Variants in GLS observed in about 807,000 individuals in gnomAD.
The protein encoded by GLS is glutaminase kidney isoform, mitochondrial.
A neutral mutation model predicts 86.7 loss-of-function variants in GLS; 36 were observed. The observed-to-expected ratio is 0.42, with a 90% CI of 0.32 to 0.55. The LOEUF (loss-of-function observed/expected upper bound fraction) is 0.55. Ranked by LOEUF, GLS falls within the 20% of genes least tolerant of loss-of-function variation. GLS has a pLI of 0.17. For missense variants in GLS, 528 were observed against 833.4 expected (o/e 0.63, Z 4.51); for synonymous variants, 317 against 305.9 (o/e 1.04, Z -0.38).
chr2:190,907,874 T>C (rs1689214981), intron 6 of GLS, among the ~76,000 whole-genome samples: 1 of 152,210 alleles, frequency 6.6e-6, no homozygotes, highest in African/African-American at 2.4e-5. Flanking sequence ...TACTTAAGCA[T>C]TGAATACTGT....
chr2:190,895,355 A>T lies in GLS; in HGVS notation c.483+107A>T. On this transcript the variant is annotated intron_variant, in intron 2 of 17. Transcript: ENST00000320717. The surrounding 1 kb of genome is among the most constrained non-coding windows in gnomAD (Gnocchi z 4.2). ...AAGGTCGTCTGACATGTAGATTCTG[A>T]CTGACAATATTTCTCTTATTATGTT... is the stretch of plus-strand genomic sequence containing the variant. 1.8e-6 allele frequency: 1 copy of T among 554,562 alleles called. No individual in the cohort carries two copies. The highest frequency in any genetic ancestry group is 3.2e-6 in the Non-Finnish European group (1 of 312,160). The allele number at this position is 554,562 out of a possible 1,614,324, so 34.4% of individuals were successfully genotyped here.
chr2:190,893,678 C>T (rs1451632200), intron 1 of GLS, among the ~76,000 whole-genome samples: 1 of 152,104 alleles, frequency 6.6e-6, no homozygotes, highest in African/African-American at 2.4e-5. Context: ...CTCCACCTCC[C>T]GGGTTCAAGC....
chr2:190,953,445 CT>C lies in GLS; in HGVS notation c.1651-115del. 1.4e-6 allele frequency: 1 copy of C among 703,382 alleles called. No individual in the cohort carries two copies. 43.6% of individuals were successfully genotyped at this position (703,382 alleles called of 1,614,324 possible). ...GGCTATGGAAGTGTCCTTGAGATCA[CT>C]TTTTGCACGTGACTCAGCTGAAGTG... On this transcript the variant is annotated intron_variant, in intron 14 of 17. Transcript: ENST00000320717. This position sits in a 1 kb window ranked among gnomAD's most constrained non-coding sequence, Gnocchi z 4.0.
At chr2:190,910,240 G>T in intron 6 of GLS, 23 bp from the exon 7 acceptor site, 1 of 1,320,812 alleles carries the variant, frequency 7.6e-7, no homozygotes, top group Non-Finnish European at 1.1e-6. Context: ...TTGAAATAAT[G>T]GTATTGCTTT....
intron 7 of GLS, among the ~76,000 whole-genome samples, chr2:190,912,094 A>T (rs576429828): frequency 6.6e-6 from 1 of 152,142 alleles, no homozygotes; most frequent in Non-Finnish European, 1.5e-5. Flanking sequence ...GTCATAAACT[A>T]TACATTGAGC....
rs1316882956 is a variant in GLS, at chr2:190,953,306, T to C, written c.1651-259T>C. ...ATGAGTTTCACAAAATTCCATTCTC[T>C]TCTGCCAAGTGATATTATTCCATTC... On this transcript the variant is annotated intron_variant, in intron 14 of 17. Transcript: ENST00000320717. The surrounding 1 kb of genome is among the most constrained non-coding windows in gnomAD (Gnocchi z 4.0). Among the ~76,000 whole-genome samples, 2 of 152,270 alleles carry C rather than the reference T, an allele frequency of 1.3e-5. No individual in the cohort carries two copies. The highest frequency in any genetic ancestry group is 2.9e-5 in the Non-Finnish European group (2 of 68,046).
At chr2:190,915,379 T>C (rs911607088) in intron 7 of GLS, among the ~76,000 whole-genome samples, 3 of 152,124 alleles carry the variant, frequency 2.0e-5, no homozygotes, top group Non-Finnish European at 2.9e-5. Flanking sequence ...TTAAAAATCA[T>C]TTGGTGAGTG....
At chr2:190,902,341 A>C (rs964130621) in intron 5 of GLS, among the ~76,000 whole-genome samples, 67 of 152,310 alleles carry the variant, frequency 4.4e-4, no homozygotes, top group African/African-American at 1.6e-3. Context: ...TAATGAACTG[A>C]CTACTAATAA....
intron 1 of GLS, among the ~76,000 whole-genome samples, chr2:190,894,394 C>G (rs1229569791): frequency 6.6e-6 from 1 of 151,828 alleles, no homozygotes; most frequent in Non-Finnish European, 1.5e-5. Context: ...TTGGTTGAAT[C>G]TATGGATGCA....
At position 190,951,335 on chromosome 2, in the gene GLS, T is replaced by G. The variant is rs1251908404; in HGVS notation, c.1651-2230T>G. Among the ~76,000 whole-genome samples the G allele has an allele frequency of 6.6e-6, 1 of 151,966 alleles. No homozygotes were observed. The stretch of plus-strand genomic sequence containing the variant: ...GGTAACAATGAGTGTGAAGGTAATT[T>G]TCAGGGAATTAAAAATATACTTTCA... On this transcript the variant is annotated intron_variant, in intron 14 of 17. Transcript: ENST00000320717. This position sits in a 1 kb window ranked among gnomAD's most constrained non-coding sequence, Gnocchi z 4.2.
intron 4 of GLS, among the ~76,000 whole-genome samples, chr2:190,901,287 C>T (rs796185214): frequency 3.3e-5 from 5 of 151,676 alleles, no homozygotes; most frequent in African/African-American, 1.2e-4. Flanking sequence ...TATTATATAC[C>T]GAATTCTTAC....
chr2:190,937,877 A>G (rs1159401920), intron 14 of GLS, among the ~76,000 whole-genome samples: 3 of 135,502 alleles, frequency 2.2e-5, no homozygotes, highest in African/African-American at 8.2e-5. Flanking sequence ...ATTCACCAGT[A>G]AATTACAGAA....
Position 190,932,967 on chromosome 2 carries a change from A to G in GLS, c.1650+1330A>G, listed in dbSNP as rs1470020863. On this transcript the variant is annotated intron_variant, in intron 14 of 17. Coordinates refer to ENST00000320717, the MANE Select transcript of GLS (RefSeq NM_014905.5). The stretch of plus-strand genomic sequence containing the variant: ...TTTATTTGAGGTATTTTTTGTTCTC[A>G]ATCTTGGGTGCTGGAGCCATAAAGC... 4.7e-6 allele frequency: 6 copies of G among 1,270,732 alleles called. No homozygotes were observed. The South Asian group carries it at 1.4e-4, about 30-fold the overall frequency. The allele number at this position is 1,270,732 out of a possible 1,614,324, so 78.7% of individuals were successfully genotyped here. A position where few individuals can be genotyped will look rare whatever the true frequency, so the allele number is the denominator to read the frequency against.
chr2:190,953,512 G>T lies in GLS; in HGVS notation c.1651-53G>T. 8.7e-7 allele frequency: 1 copy of T among 1,147,758 alleles called. No homozygotes were observed. The highest frequency in any genetic ancestry group is 1.3e-6 in the Non-Finnish European group (1 of 755,794). The allele number at this position is 1,147,758 out of a possible 1,614,324, so 71.1% of individuals were successfully genotyped here. ...AATCACTTGCCAGTGACAGGTGGAC[G>T]TTGTATGTGTTTTCTCTCTCCTAAG... On this transcript the variant is annotated intron_variant, in intron 14 of 17. Transcript: ENST00000320717. This position sits in a 1 kb window ranked among gnomAD's most constrained non-coding sequence, Gnocchi z 4.0.
chr2:190,901,995 G>C lies in GLS; in HGVS notation c.784G>C (p.Gly262Arg). ...GGCCAAATTCAGTCCCGATTTGTGG[G>C]GTGTGTCTGTTTGTACAGTAGATGG... ...QLAKFSPDLWGVSVCTVDGQR... is the reference protein window; with the variant it reads ...QLAKFSPDLWRVSVCTVDGQR... The change falls in exon 5 of 18, where the codon GGT (glycine) becomes CGT (arginine). Residue 262 changes from glycine to arginine, a missense_variant. Gly to Arg is a moderately radical substitution (Grantham distance 125). Around this residue, in one of 4 missense-constraint regions of GLS, gnomAD observed 111 missense variants for 179.5 expected, o/e 0.62. Transcript: ENST00000320717. 1 of 1,611,638 alleles carries C rather than the reference G, an allele frequency of 6.2e-7. No individual in the cohort carries two copies. Among genetic ancestry groups the C allele is most frequent in the Non-Finnish European group, 8.5e-7 (1 of 1,177,988 alleles).
In GLS at chr2:190,881,389, C is replaced by G. The variant is rs767849917; in HGVS notation, c.305C>G (p.Ala102Gly). 1 of 1,541,034 alleles carries G rather than the reference C, an allele frequency of 6.5e-7. No individual in the cohort carries two copies. Among genetic ancestry groups the G allele is most frequent in the South Asian group, 1.2e-5 (1 of 83,626 alleles). The change falls in exon 1 of 18, where the codon GCG becomes GGG. Residue 102 changes from alanine (A) to glycine (G), a missense_variant. Coordinates refer to ENST00000320717, the MANE Select transcript of GLS (RefSeq NM_014905.5). Reference sequence around the variant, plus strand: ...GTGTCGCCACCCGCTGCCCCGGCGGCGCCCGGCCCCAAGGACGGCCCCGGG... The same window carrying G: ...GTGTCGCCACCCGCTGCCCCGGCGGGGCCCGGCCCCAAGGACGGCCCCGGG... Reference protein sequence around the residue: ...PGVSPPAAPAAPGPKDGPGET... With the variant: ...PGVSPPAAPAGPGPKDGPGET...
chr2:190,905,941 T>C lies in GLS; in HGVS notation c.979+774T>C, dbSNP rs535052313. On this transcript the variant is annotated intron_variant, in intron 6 of 17. Coordinates refer to ENST00000320717, the MANE Select transcript of GLS (RefSeq NM_014905.5). The surrounding 1 kb of genome is among the most constrained non-coding windows in gnomAD (Gnocchi z 4.6). Reference sequence around the variant, plus strand: ...AATGGCTGTGAGAGATACACTTTTGTACTTTTTTTTTCTGCTGTATAAAAA... The same window carrying C: ...AATGGCTGTGAGAGATACACTTTTGCACTTTTTTTTTCTGCTGTATAAAAA... Among the ~76,000 whole-genome samples the C allele has an allele frequency of 2.0e-5, 3 of 152,230 alleles. No individual in the cohort carries two copies. The highest frequency in any genetic ancestry group is 2.9e-5 in the Non-Finnish European group (2 of 67,940).
rs1324906884 is a variant in GLS, at chr2:190,916,871, T to G, written c.1039-4153T>G. The stretch of plus-strand genomic sequence containing the variant: ...TCTAAAAAAAAACAGTGTGAATACC[T>G]TAATTAAAAAATATTTTATAGGTAA... On this transcript the variant is annotated intron_variant, in intron 7 of 17. Transcript: ENST00000320717. Among the ~76,000 whole-genome samples, 3 of 152,186 alleles carry G rather than the reference T, an allele frequency of 2.0e-5. No individual in the cohort carries two copies. The East Asian group carries it at 5.8e-4, about 29-fold the overall frequency.
At chr2:190,944,674 A>G (rs1226706503) in intron 14 of GLS, among the ~76,000 whole-genome samples, 1 of 152,194 alleles carries the variant, frequency 6.6e-6, no homozygotes, top group Non-Finnish European at 1.5e-5. Flanking sequence ...GTATCTTTTT[A>G]GACCATTCAT....
Sources: allele counts gnomAD v4.1 joint callset (sites outside exome capture counted in the v4.1 genomes callset), GRCh38; gene constraint gnomAD v4.1.1; regional missense constraint gnomAD v4.1.1; non-coding constraint Gnocchi (gnomAD v3.1); transcripts MANE v1.5; gene names NCBI Gene and HGNC (gene_info 2026-07-23, HGNC 2026-07-21).